GRHPR: variants seen among roughly 807,000 people sequenced by gnomAD.
The protein encoded by GRHPR is glyoxylate reductase/hydroxypyruvate reductase.
GRHPR carries 35 observed loss-of-function variants against 36.8 expected under a neutral mutation model. The ratio of observed to expected loss-of-function variants is 0.95; its 90% confidence interval spans 0.73 to 1.26. GRHPR has a LOEUF of 1.26. Among genes scored for constraint, GRHPR ranks in the 50% most tolerant of loss-of-function variants. The pLI, the probability that GRHPR is intolerant of heterozygous loss-of-function variation, is 0.00. For synonymous variants in GRHPR, 179 were observed against 181.0 expected, an observed-to-expected ratio of 0.99 and a Z score of 0.09; for missense variants, 380 against 435.0, an observed-to-expected ratio of 0.87 and a Z score of 1.12.
intron 3 of GRHPR, 191 bp downstream of exon 3, chr9:37,426,185 A>C: frequency 1.6e-6 from 1 of 621,528 alleles, no homozygotes; most frequent in Admixed American, 2.6e-5. Context: ...ACAGTGGGTA[A>C]CTTCTGTGTA....
chr9:37,436,706 C>T lies in GRHPR; in HGVS notation c.911C>T (p.Thr304Ile). 6.2e-7 allele frequency: 1 copy of T among 1,614,036 alleles called. No homozygotes were observed. Among genetic ancestry groups the T allele is most frequent in the Non-Finnish European group, 8.5e-7 (1 of 1,179,894 alleles). Residue 304 changes from threonine to isoleucine, a missense_variant, in exon 9 of 9, where the codon ACC becomes ATC. Physicochemically the swap from Thr to Ile is moderately conservative, Grantham distance 89 (BLOSUM62 -1). Coordinates refer to ENST00000318158, the MANE Select transcript of GRHPR (RefSeq NM_012203.2). The part of the protein sequence containing the change: ...IGSATHRTRN[T>I]MSLLAANNLL... ...AGTGCCACCCACAGAACCCGCAACA[C>T]CATGTCCTTGTTGGCAGCTAACAAC... is the stretch of plus-strand genomic sequence containing the variant.
intron 8 of GRHPR, among the ~76,000 whole-genome samples, chr9:37,432,998 G>A (rs929017917): frequency 6.6e-6 from 1 of 152,210 alleles, no homozygotes; most frequent in African/African-American, 2.4e-5. Context: ...CCTGTCTTTG[G>A]GGGAGTGGCA....
chr9:37,433,243 T>G (rs986025466), intron 8 of GRHPR, among the ~76,000 whole-genome samples: 3 of 150,138 alleles, frequency 2.0e-5, no homozygotes, highest in African/African-American at 7.3e-5. Flanking sequence ...TTTTTTTTTT[T>G]TTTTTTTTGA....
intron 3 of GRHPR, 89 bp downstream of exon 3, chr9:37,426,083 C>G: frequency 2.2e-6 from 2 of 895,272 alleles, no homozygotes; most frequent in Non-Finnish European, 3.8e-6. Flanking sequence ...TACTGCATAT[C>G]CCTCGGCCAT....
chr9:37,422,599 C>A (rs1039484332), upstream of GRHPR: 4 of 685,788 alleles, frequency 5.8e-6, no homozygotes, highest in Non-Finnish European at 7.9e-6. Flanking sequence ...CGCTCAGCCG[C>A]AACCCGGCGC....
At chr9:37,438,691 A>G (rs1332717876), downstream of GRHPR, 1 of 152,276 alleles carries the variant, frequency 6.6e-6, no homozygotes, top group Non-Finnish European at 1.5e-5. Context: ...CCCAAGGTTA[A>G]TCTCACAAGA....
Position 37,426,594 on chromosome 9 carries a change from C to T in GRHPR, c.344C>T (p.Ala115Val). Residue 115 changes from alanine to valine, a missense_variant, in exon 4 of 9, where the codon GCA becomes GTA. Ala to Val is a moderately conservative substitution (Grantham distance 64). Transcript: ENST00000318158. ...CTGACAGATACCACCGCCGAACTCG[C>T]AGTCTCCCTGCTACTTACCACCTGC... Reference protein sequence around the residue: ...DVLTDTTAELAVSLLLTTCRR... With the variant: ...DVLTDTTAELVVSLLLTTCRR... 1 of 1,614,042 alleles carries T rather than the reference C, an allele frequency of 6.2e-7. No homozygotes were observed. Among genetic ancestry groups the T allele is most frequent in the Admixed American group, 1.7e-5 (1 of 60,022 alleles).
rs1459974841 is a variant in GRHPR, at chr9:37,424,978, G to A, written c.214+3G>A. On this transcript the variant is annotated splice_donor_region_variant and intron_variant, in intron 2 of 8. Coordinates refer to ENST00000318158, the MANE Select transcript of GRHPR (RefSeq NM_012203.2). The stretch of plus-strand genomic sequence containing the variant: ...CAAGAGGATCCTGGATGCTGCAGGT[G>A]CACACTGGGTGGGCAGGGGACTTGA... 1.9e-6 allele frequency: 3 copies of A among 1,611,818 alleles called. No homozygotes were observed. The highest frequency in any genetic ancestry group is 2.2e-5 in the South Asian group (2 of 91,060).
At chr9:37,424,687 G>A (rs1214936158) in intron 1 of GRHPR, among the ~76,000 whole-genome samples, 158 bp from the exon 2 acceptor site, 2 of 152,096 alleles carry the variant, frequency 1.3e-5, no homozygotes, top group Non-Finnish European at 2.9e-5. Context: ...CTGCTGTCTC[G>A]GGACAGTTCT....
chr9:37,426,844 G>C (rs903083096), intron 4 of GRHPR, among the ~76,000 whole-genome samples, 190 bp downstream of exon 4: 2 of 152,104 alleles, frequency 1.3e-5, no homozygotes, highest in African/African-American at 4.8e-5. Context: ...CCAGCTACTT[G>C]GGAGGCTGAG....
rs1823697356 is a variant in GRHPR at position 37,436,948 on chromosome 9, C to T, written c.*166C>T. 6 of 729,946 alleles carry T rather than the reference C, an allele frequency of 8.2e-6. No homozygotes were observed. Among genetic ancestry groups the T allele is most frequent in the Admixed American group, 4.4e-5 (2 of 45,664 alleles). 45.2% of individuals were successfully genotyped at this position (729,946 alleles called of 1,614,324 possible). A position where few individuals can be genotyped will look rare whatever the true frequency, so the allele number is the denominator to read the frequency against. On this transcript the variant is annotated 3_prime_UTR_variant, in exon 9 of 9. Coordinates refer to ENST00000318158, the MANE Select transcript of GRHPR (RefSeq NM_012203.2). ...GTCACATTGGTGTTGGACACATTTG[C>T]GCCAAAAGTATGGTAATTCTATTAT...
chr9:37,429,673 GGGT>G, intron 5 of GRHPR, 56 bp from the exon 6 acceptor site: 1 of 1,100,054 alleles, frequency 9.1e-7, no homozygotes, highest in Non-Finnish European at 1.4e-6. Flanking sequence ...CAGAAATGCT[GGGT>G]GGTGTCCCTA....
downstream of GRHPR, chr9:37,437,052 C>T (rs1227711074): frequency 4.9e-6 from 2 of 409,966 alleles, no homozygotes; most frequent in Non-Finnish European, 9.3e-6. Flanking sequence ...TGGTGACGCA[C>T]CCCTATAGTC....
chr9:37,422,699 T>A lies in GRHPR; in HGVS notation c.-52T>A. ...CTGGCCCCGCCCCGGCCCAGCTACA[T>A]TCCCGGGCCAGCTTCTGTACTGCCA... On this transcript the variant is annotated 5_prime_UTR_variant, in exon 1 of 9. Coordinates refer to ENST00000318158, the MANE Select transcript of GRHPR (RefSeq NM_012203.2). 7.2e-7 allele frequency: 1 copy of A among 1,389,888 alleles called. No homozygotes were observed. The highest frequency in any genetic ancestry group is 1.4e-5 in the African/African-American group (1 of 70,094). The allele number at this position is 1,389,888 out of a possible 1,614,324, so 86.1% of individuals were successfully genotyped here. A position where few individuals can be genotyped will look rare whatever the true frequency, so the allele number is the denominator to read the frequency against.
At chr9:37,434,135 GC>G (rs898866189) in intron 8 of GRHPR, 19 of 382,356 alleles carry the variant, frequency 5.0e-5, no homozygotes, top group African/African-American at 3.8e-4. Context: ...AGCTGCAGCC[GC>G]CACCGCTGCT....
intron 6 of GRHPR, 92 bp from the exon 7 acceptor site, chr9:37,430,419 G>A: frequency 9.1e-7 from 1 of 1,101,398 alleles, no homozygotes; most frequent in Non-Finnish European, 1.4e-6. Context: ...GGGAGTTTCT[G>A]TTAGGGAGTC....
At chr9:37,430,132 A>C (rs1313573740) in intron 6 of GRHPR, 1 of 533,720 alleles carries the variant, frequency 1.9e-6, no homozygotes, top group Non-Finnish European at 3.4e-6. Flanking sequence ...GGTGTGAGGA[A>C]GGGCTGGGCA....
downstream of GRHPR, among the ~76,000 whole-genome samples, chr9:37,437,424 T>C (rs1823725763): frequency 1.3e-5 from 2 of 152,028 alleles, no homozygotes; most frequent in Admixed American, 1.3e-4. Flanking sequence ...CCTTCACTTG[T>C]CCCTCACCAA....
rs777207347 is a variant in GRHPR, at chr9:37,422,738, G to A, written c.-13G>A. On this transcript the variant is annotated 5_prime_UTR_variant, in exon 1 of 9. Transcript: ENST00000318158. ...TCTGTACTGCCAGGTCCGGGTCGGC[G>A]GCTGCACTGCGGATGAGACCGGTGC... 2 of 1,567,482 alleles carry A rather than the reference G, an allele frequency of 1.3e-6. No individual in the cohort carries two copies. Among genetic ancestry groups the A allele is most frequent in the African/African-American group, 1.4e-5 (1 of 73,580 alleles).
Sources: gnomAD v4.1 joint callset for allele counts (sites outside exome capture counted in the v4.1 genomes callset) on GRCh38, gnomAD v4.1.1 for gene constraint, MANE v1.5 for transcripts, NCBI Gene and HGNC (gene_info 2026-07-23, HGNC 2026-07-21) for gene names.